The following DNAH14 variants were observed in gnomAD, a reference collection of about 807,000 sequenced individuals.
The protein encoded by DNAH14 is axonemal beta dynein heavy chain 14.
Under a neutral mutation model 520.9 loss-of-function variants are expected in DNAH14, and 478 were observed. The ratio of observed to expected loss-of-function variants is 0.92; its 90% CI spans 0.85 to 0.99. DNAH14 has a LOEUF of 0.99. Among genes scored for constraint, DNAH14 ranks in the 50% least tolerant of loss-of-function variants. The pLI, the probability that DNAH14 is intolerant of heterozygous loss-of-function variation, is 0.00. For missense variants in DNAH14, 4,831 were observed against 5,234.5 expected (o/e 0.92, Z 2.38); for synonymous variants, 1,581 against 1,757.2 (o/e 0.90, Z 2.51).
intron 34 of DNAH14, 107 bp from the exon 35 acceptor site, chr1:225,159,207 A>G: frequency 1.2e-6 from 1 of 826,634 alleles, no homozygotes; most frequent in Non-Finnish European, 1.9e-6. Context: ...AGAGGAGGGA[A>G]GGACATTGGG....
rs988751246 is a variant in DNAH14, at chr1:225,119,242, G to A, written c.4114G>A (p.Val1372Ile). The A allele has an allele frequency of 6.6e-6, 10 of 1,526,440 alleles. No homozygotes were observed. Among genetic ancestry groups the A allele is most frequent in the African/African-American group, 4.1e-5 (3 of 72,332 alleles). 94.6% of individuals were successfully genotyped at this position (1,526,440 alleles called of 1,614,324 possible). Residue 1372 changes from valine (V) to isoleucine (I), a missense_variant, in exon 26 of 86, where the codon GTA becomes ATA. Transcript: ENST00000682510. ...TAGGAAAATTCGTGTAAGAAGTGCT[G>A]TAGAACAGTGGCTGGTAAATGTAGA... Reference protein sequence around the residue: ...LPKKIRVRSAVEQWLVNVEKS... With the variant: ...LPKKIRVRSAIEQWLVNVEKS...
At chr1:225,344,104 G>A (rs2095246263) in intron 69 of DNAH14, among the ~76,000 whole-genome samples, 1 of 151,948 alleles carries the variant, frequency 6.6e-6, no homozygotes, top group Admixed American at 6.6e-5. Flanking sequence ...TTTAAAGACT[G>A]TGATCTTTGA....
chr1:225,112,924 A>G (rs2076590203), intron 23 of DNAH14, among the ~76,000 whole-genome samples: 1 of 152,042 alleles, frequency 6.6e-6, no homozygotes, highest in African/African-American at 2.4e-5. Context: ...TTCTTAACAT[A>G]GGTATTTTGA....
intron 22 of DNAH14, among the ~76,000 whole-genome samples, chr1:225,099,769 A>G (rs983245965): frequency 2.6e-5 from 4 of 152,272 alleles, no homozygotes; most frequent in African/African-American, 7.2e-5. Context: ...GGTGCAATAT[A>G]GAGGTTCCTG....
intron 44 of DNAH14, among the ~76,000 whole-genome samples, chr1:225,254,911 G>C (rs2092685816): frequency 6.6e-6 from 1 of 152,126 alleles, no homozygotes; most frequent in Non-Finnish European, 1.5e-5. Flanking sequence ...CGACTACTGA[G>C]TATAAGAAAA....
chr1:225,341,659 T>G (rs1288928250), intron 69 of DNAH14, among the ~76,000 whole-genome samples: 2 of 152,092 alleles, frequency 1.3e-5, no homozygotes, highest in African/African-American at 2.4e-5. Flanking sequence ...AGAGCAAAAC[T>G]CCTTCAAACA....
chr1:225,260,360 A>G (rs2092893033), intron 46 of DNAH14, among the ~76,000 whole-genome samples: 2 of 152,022 alleles, frequency 1.3e-5, no homozygotes, highest in Admixed American at 1.3e-4. Context: ...TCAAAAAAAA[A>G]AAAAAAATCC....
chr1:225,335,086 CATATATACATATATGT>C (rs779362211), intron 66 of DNAH14, among the ~76,000 whole-genome samples: 51 of 147,688 alleles, frequency 3.5e-4, no homozygotes, highest in Non-Finnish European at 4.6e-4. Flanking sequence ...TACATATGTA[CATATATACATATATGT>C]ATATATACAT....
chr1:225,198,730 ATT>A (rs2086456365), intron 38 of DNAH14, among the ~76,000 whole-genome samples: 1 of 152,096 alleles, frequency 6.6e-6, no homozygotes, highest in Non-Finnish European at 1.5e-5. Flanking sequence ...ATGTTGTTGG[ATT>A]CAGTTAGCTA....
chr1:225,367,014 C>CACACACACACACAT (rs1423410529), intron 76 of DNAH14, among the ~76,000 whole-genome samples: 4 of 5,402 alleles, frequency 7.4e-4, no homozygotes, highest in African/African-American at 2.6e-3. Context: ...TTCATACACA[C>CACACACACACACAT]ACACACACAC....
intron 23 of DNAH14, among the ~76,000 whole-genome samples, chr1:225,111,009 T>C (rs1390529731): frequency 6.6e-6 from 1 of 152,154 alleles, no homozygotes; most frequent in African/African-American, 2.4e-5. Flanking sequence ...TTCAGTGTTT[T>C]TGAATGTTTT....
chr1:224,951,644 A>ATTTTTTT (rs67437504), intron 1 of DNAH14, among the ~76,000 whole-genome samples: 5 of 80,150 alleles, frequency 6.2e-5, no homozygotes, highest in Non-Finnish European at 9.5e-5. Context: ...AGATTTCTGG[A>ATTTTTTT]TTTTTTTTTT....
At chr1:225,292,775 A>C (rs1344746530) in intron 55 of DNAH14, among the ~76,000 whole-genome samples, 1 of 152,102 alleles carries the variant, frequency 6.6e-6, no homozygotes, top group Admixed American at 6.6e-5. Flanking sequence ...AGTTTCTTCT[A>C]TCAGCGTTTT....
At chr1:225,025,111 A>T (rs1038334729) in intron 11 of DNAH14, among the ~76,000 whole-genome samples, 2 of 151,842 alleles carry the variant, frequency 1.3e-5, no homozygotes, top group African/African-American at 4.8e-5. Flanking sequence ...ACCAATGAGG[A>T]TGTATTACTT....
At chr1:225,159,246 G>A (rs547315091) in intron 34 of DNAH14, 68 bp from the exon 35 acceptor site, 116 of 1,282,812 alleles carry the variant, frequency 9.0e-5, no homozygotes, top group Middle Eastern at 1.8e-4. Flanking sequence ...GAATGTTAAT[G>A]GTCTTCAGTG....
intron 11 of DNAH14, among the ~76,000 whole-genome samples, chr1:225,035,051 T>TA (rs2066844796): frequency 1.9e-5 from 1 of 52,682 alleles, no homozygotes; most frequent in Non-Finnish European, 6.9e-5. Context: ...ATCTTTAAAA[T>TA]GTTTTTTTTG....
intron 8 of DNAH14, among the ~76,000 whole-genome samples, chr1:225,002,480 T>A (rs1458485866): frequency 6.6e-6 from 1 of 152,088 alleles, no homozygotes; most frequent in Non-Finnish European, 1.5e-5. Context: ...GACATATAAT[T>A]CATTTTACAT....
intron 8 of DNAH14, among the ~76,000 whole-genome samples, chr1:224,987,419 A>G (rs948632834): frequency 6.6e-6 from 1 of 152,176 alleles, no homozygotes; most frequent in Non-Finnish European, 1.5e-5. Flanking sequence ...TTCATTTTGT[A>G]TTGCTATAGC....
chr1:225,089,774 T>C (rs1390927629), intron 21 of DNAH14, among the ~76,000 whole-genome samples: 1 of 152,154 alleles, frequency 6.6e-6, no homozygotes, highest in Non-Finnish European at 1.5e-5. Flanking sequence ...GAATTCAACA[T>C]TCATTCCTGA....
Sources: allele counts gnomAD v4.1 joint callset (sites outside exome capture counted in the v4.1 genomes callset), GRCh38; gene constraint gnomAD v4.1.1; transcripts MANE v1.5; gene names NCBI Gene and HGNC (gene_info 2026-07-23, HGNC 2026-07-21).